The following ERCC8 variants were observed in gnomAD, a reference collection of about 807,000 sequenced individuals.
The protein encoded by ERCC8 is DNA excision repair protein ERCC-8.
A neutral mutation model predicts 54.9 loss-of-function variants in ERCC8; 52 were observed. That is an observed-to-expected ratio of 0.95 (90% CI 0.76 to 1.19). The LOEUF (loss-of-function observed/expected upper bound fraction) is 1.19, where lower values mean the gene tolerates loss of function less well. ERCC8 is among the 50% of genes most tolerant of loss of function. The probability of loss-of-function intolerance (pLI) is 0.00; values close to 1 mark genes in which losing one functional copy is unlikely to be tolerated. For missense variants in ERCC8, 514 were observed against 466.1 expected, an observed-to-expected ratio of 1.10 and a Z score of -0.95; for synonymous variants, 146 against 157.2, an observed-to-expected ratio of 0.93 and a Z score of 0.53.
In ERCC8 at chr5:60,870,698, A is replaced by G. The variant is rs1490293957; in HGVS notation, c.*3917T>C. Among the ~76,000 whole-genome samples the G allele has an allele frequency of 2.0e-5, 3 of 151,318 alleles. No individual in the cohort carries two copies. The highest frequency in any genetic ancestry group is 4.9e-5 in the African/African-American group (2 of 41,208). ...AGGGAAGAAAGGAAGAAACATAGAG[A>G]GGTCAGTTACATGCAATTTTTAGAT... On this transcript the variant is annotated 3_prime_UTR_variant, in exon 12 of 12. Transcript: ENST00000676185.
chr5:60,885,091 T>C (rs1165626769), intron 11 of ERCC8, among the ~76,000 whole-genome samples: 2 of 152,074 alleles, frequency 1.3e-5, no homozygotes, highest in African/African-American at 4.8e-5. Flanking sequence ...TGGCTCACTG[T>C]AGCCTTGAAC....
At chr5:60,900,146 T>G (rs1416585327) in intron 7 of ERCC8, among the ~76,000 whole-genome samples, 3 of 152,032 alleles carry the variant, frequency 2.0e-5, no homozygotes, top group Non-Finnish European at 4.4e-5. Context: ...CCATTTGGTA[T>G]GATTTGGTGT....
rs1008519281 is a variant in ERCC8, at chr5:60,869,021, C to G, written c.*5594G>C. Among the ~76,000 whole-genome samples the G allele has an allele frequency of 6.6e-6, 1 of 152,148 alleles. No homozygotes were observed. Among genetic ancestry groups the G allele is most frequent in the African/African-American group, 2.4e-5 (1 of 41,450 alleles). On this transcript the variant is annotated 3_prime_UTR_variant, in exon 12 of 12. Transcript: ENST00000676185. ...CATAGTTAGAGTGATTTTAAGTTTA[C>G]TGCTTTAGTGATAAGTTTTTTAGTT...
intron 9 of ERCC8, 28 bp downstream of exon 9, chr5:60,898,248 C>T: frequency 6.2e-7 from 1 of 1,607,260 alleles, no homozygotes; most frequent in Non-Finnish European, 8.5e-7. Flanking sequence ...TTAATTTATA[C>T]CCAAATATAT....
chr5:60,893,348 A>G, intron 9 of ERCC8: 1 of 847,904 alleles, frequency 1.2e-6, no homozygotes, highest in Non-Finnish European at 2.1e-6. Flanking sequence ...GTAGCTCTTG[A>G]TAGACCTGCG....
At position 60,868,977 on chromosome 5, in the gene ERCC8, C is replaced by T. The variant is rs893111296; in HGVS notation, c.*5638G>A. 6.6e-6 allele frequency among the ~76,000 whole-genome samples: 1 copy of T among 152,122 alleles called. No individual in the cohort carries two copies. The highest frequency in any genetic ancestry group is 2.4e-5 in the African/African-American group (1 of 41,432). ...CAGGCAATATTCTAATTGTGCTAGGCTTGCCATTCCATTTCTGGCATAGTT... is the reference window on the plus strand; with the variant it reads ...CAGGCAATATTCTAATTGTGCTAGGTTTGCCATTCCATTTCTGGCATAGTT... On this transcript the variant is annotated 3_prime_UTR_variant, in exon 12 of 12. Coordinates refer to ENST00000676185, the MANE Select transcript of ERCC8 (RefSeq NM_000082.4).
chr5:60,902,339 T>C, intron 7 of ERCC8, 103 bp downstream of exon 7: 1 of 850,292 alleles, frequency 1.2e-6, no homozygotes, highest in Middle Eastern at 3.6e-4. Context: ...AAGGAGTGAA[T>C]TAATAATTAA....
intron 4 of ERCC8, among the ~76,000 whole-genome samples, chr5:60,917,808 T>C (rs765525249): frequency 7.2e-5 from 11 of 152,088 alleles, no homozygotes; most frequent in Non-Finnish European, 1.5e-4. Flanking sequence ...ATCCATTGCT[T>C]GTCTTTACTA....
At chr5:60,910,790 AC>A (rs1265024097) in intron 4 of ERCC8, among the ~76,000 whole-genome samples, 1 of 152,100 alleles carries the variant, frequency 6.6e-6, no homozygotes, top group African/African-American at 2.4e-5. Context: ...TGAATTTTCT[AC>A]GTTCATAATC....
chr5:60,921,095 T>C (rs923326118), intron 3 of ERCC8, among the ~76,000 whole-genome samples: 2 of 151,914 alleles, frequency 1.3e-5, no homozygotes, highest in Non-Finnish European at 2.9e-5. Context: ...AAAGATAGTA[T>C]TTCATTTAAT....
At chr5:60,888,469 G>C (rs1324421988) in intron 10 of ERCC8, among the ~76,000 whole-genome samples, 1 of 152,134 alleles carries the variant, frequency 6.6e-6, no homozygotes, top group Non-Finnish European at 1.5e-5. Flanking sequence ...AGATAACTTG[G>C]TCAGATAAGC....
intron 1 of ERCC8, among the ~76,000 whole-genome samples, chr5:60,929,290 G>A (rs373039343): frequency 1.6e-4 from 24 of 152,138 alleles, no homozygotes; most frequent in East Asian, 1.5e-3. Flanking sequence ...TCTTAAAGAC[G>A]GACAGAAATA....
intron 11 of ERCC8, among the ~76,000 whole-genome samples, chr5:60,874,979 G>A (rs975511886): frequency 1.3e-5 from 2 of 152,126 alleles, no homozygotes; most frequent in Non-Finnish European, 2.9e-5. Flanking sequence ...TGCTGCCATT[G>A]CTCAAGGTAT....
chr5:60,940,435 A>G (rs1750223804), intron 1 of ERCC8, among the ~76,000 whole-genome samples: 1 of 152,220 alleles, frequency 6.6e-6, no homozygotes, highest in Non-Finnish European at 1.5e-5. Flanking sequence ...CTTGGGCCTA[A>G]ACTTGGAAGC....
rs1334792891 is a variant in ERCC8 at position 60,906,157 on chromosome 5, T to A, written c.400-1284A>T. ...GAATAATGGCTGGCAATCATTTATG[T>A]CTCTTTATTTATTTATTTATGAGAC... is the stretch of plus-strand genomic sequence containing the variant. On this transcript the variant is annotated intron_variant, in intron 4 of 11. Coordinates refer to ENST00000676185, the MANE Select transcript of ERCC8 (RefSeq NM_000082.4). Among the ~76,000 whole-genome samples, 7 of 152,186 alleles carry A rather than the reference T, an allele frequency of 4.6e-5. No homozygotes were observed. In the East Asian group the frequency reaches 1.4e-3, roughly 29 times the overall value.
intron 11 of ERCC8, among the ~76,000 whole-genome samples, chr5:60,876,483 G>T (rs1011737627): frequency 5.3e-5 from 8 of 152,148 alleles, no homozygotes; most frequent in Non-Finnish European, 8.8e-5. Flanking sequence ...TGAACTAGTT[G>T]ACAGTCCCAC....
In ERCC8 at chr5:60,904,439, T is replaced by G. The variant is rs78116676; in HGVS notation, c.481+353A>C. On this transcript the variant is annotated intron_variant, in intron 5 of 11. Transcript: ENST00000676185. ...AGAAAGAAAGAATTTCCTTGTTTTA[T>G]TGTGTCAAATTGGGAAAGTTGCCAA... Among the ~76,000 whole-genome samples the G allele has an allele frequency of 1.6e-4, 24 of 151,788 alleles. 1 individual carries two copies. In the East Asian group the frequency reaches 4.6e-3, roughly 29 times the overall value.
intron 1 of ERCC8, among the ~76,000 whole-genome samples, chr5:60,931,500 A>G (rs1022795694): frequency 1.3e-5 from 2 of 151,974 alleles, no homozygotes; most frequent in Non-Finnish European, 2.9e-5. Flanking sequence ...GCAGAGATGA[A>G]GTATTGCTAT....
intron 4 of ERCC8, among the ~76,000 whole-genome samples, chr5:60,911,260 T>C (rs1749250910): frequency 6.6e-6 from 1 of 151,984 alleles, no homozygotes; most frequent in South Asian, 2.1e-4. Context: ...CAGCATCTGT[T>C]GTGTCCTGAC....
Sources: allele counts gnomAD v4.1 joint callset (sites outside exome capture counted in the v4.1 genomes callset), GRCh38; gene constraint gnomAD v4.1.1; transcripts MANE v1.5; gene names NCBI Gene and HGNC (gene_info 2026-07-23, HGNC 2026-07-21).